Variants in PRSS23 observed in about 807,000 individuals in gnomAD.
PRSS23 encodes the protein protease, serine 23.
PRSS23 carries 25 observed loss-of-function variants against 34.7 expected under a neutral mutation model. That is an observed-to-expected ratio of 0.72 (90% CI 0.53 to 1.01). The LOEUF (loss-of-function observed/expected upper bound fraction) is 1.01, where lower values mean the gene tolerates loss of function less well. PRSS23 is among the 50% of genes least tolerant of loss of function. The probability of loss-of-function intolerance (pLI) is 0.00; values close to 1 mark genes in which losing one functional copy is unlikely to be tolerated. For synonymous variants in PRSS23, 176 were observed against 186.6 expected, an observed-to-expected ratio of 0.94 and a Z score of 0.46; for missense variants, 445 against 475.6, an observed-to-expected ratio of 0.94 and a Z score of 0.60.
intron 2 of PRSS23, among the ~76,000 whole-genome samples, chr11:86,842,456 TA>T (rs1204595269): frequency 6.6e-6 from 1 of 152,154 alleles, no homozygotes; most frequent in African/African-American, 2.4e-5. Context: ...GAGAAAGAAA[TA>T]AAGGGTATTC....
intron 2 of PRSS23, among the ~76,000 whole-genome samples, chr11:86,838,407 G>A (rs1218689920): frequency 6.6e-6 from 1 of 152,156 alleles, no homozygotes. Flanking sequence ...AGCTTGATGG[G>A]GAGAGGGGCA....
chr11:86,881,523 C>T (rs1287473357), intron 2 of PRSS23, among the ~76,000 whole-genome samples: 2 of 152,026 alleles, frequency 1.3e-5, no homozygotes, highest in African/African-American at 4.8e-5. Context: ...GAAGATTTTG[C>T]ACCTACATTC....
chr11:86,865,029 T>C (rs945844658), intron 2 of PRSS23, among the ~76,000 whole-genome samples: 1 of 152,244 alleles, frequency 6.6e-6, no homozygotes, highest in Non-Finnish European at 1.5e-5. Flanking sequence ...CAAAGTTCCT[T>C]TTTCCAGGTA....
In PRSS23 at chr11:86,801,552, C is replaced by G. The variant is rs542115386; in HGVS notation, c.-14+901C>G. 2.6e-4 allele frequency among the ~76,000 whole-genome samples: 40 copies of G among 152,346 alleles called. 1 individual carries two copies. Among genetic ancestry groups the G allele is most frequent in the African/African-American group, 9.4e-4 (39 of 41,576 alleles). On this transcript the variant is annotated intron_variant, in intron 1 of 1. Transcript: ENST00000280258. ...ACTAAATTTGAGGGCTCCCTGTGCA[C>G]TCCTTAGGAACAGGTAGGCCAGTGC...
intron 2 of PRSS23, chr11:86,833,238 G>A (rs944146839): frequency 6.4e-6 from 10 of 1,563,750 alleles, no homozygotes; most frequent in Non-Finnish European, 7.0e-6. Flanking sequence ...CCGTGTTGGA[G>A]GTGAAACCGA....
intron 1 of PRSS23, among the ~76,000 whole-genome samples, chr11:86,801,800 T>C (rs1948042193): frequency 1.3e-5 from 2 of 152,108 alleles, no homozygotes; most frequent in South Asian, 4.1e-4. Flanking sequence ...ACTTAGAAAA[T>C]GCCCCCAGAA....
At chr11:86,921,399 A>G (rs1313083542) in intron 2 of PRSS23, 2 of 152,238 alleles carry the variant, frequency 1.3e-5, no homozygotes, top group African/African-American at 4.8e-5. Flanking sequence ...CTAATTTCTG[A>G]ATGAAATATA....
chr11:86,904,798 A>T (rs1293401732), intron 2 of PRSS23, among the ~76,000 whole-genome samples: 5 of 152,088 alleles, frequency 3.3e-5, no homozygotes, highest in Non-Finnish European at 7.4e-5. Flanking sequence ...CTGTAATCCC[A>T]GAATCTTGGG....
In PRSS23 at chr11:86,945,301, TA is replaced by T. The variant is rs1021602052; in HGVS notation, c.207-5914del. Among the ~76,000 whole-genome samples, 6 of 150,322 alleles carry T rather than the reference TA, an allele frequency of 4.0e-5. 1 individual carries two copies. The highest frequency in any genetic ancestry group is 4.0e-4 in the Admixed American group (6 of 15,082). On this transcript the variant is annotated intron_variant, in intron 2 of 2. Transcript: ENST00000533902. The stretch of plus-strand genomic sequence containing the variant: ...TAGCAATGATGGGAAAACTCTTTTT[TA>T]GGCCATCAGATTAAGTCAATGGGGC...
At chr11:86,829,186 T>C (rs533677776) in intron 2 of PRSS23, among the ~76,000 whole-genome samples, 1,646 of 152,274 alleles carry the variant, frequency 0.011, 10 homozygotes, top group South Asian at 0.04. Context: ...GGAGGCTTTG[T>C]TCGTTTCTTT....
intron 2 of PRSS23, among the ~76,000 whole-genome samples, chr11:86,924,755 T>C (rs1949069341): frequency 6.6e-6 from 1 of 152,212 alleles, no homozygotes; most frequent in Non-Finnish European, 1.5e-5. Flanking sequence ...TTGTTTAAAA[T>C]GGTCCAAGGG....
rs1271134365 is a variant in PRSS23 at position 86,824,336 on chromosome 11, A to AAAATG, written c.206+747_206+748insGAAAT. ...CAAAAATAAAAATAAAAATAAAAATAAAATAAAATAAAATAAAATAAAATA... is the reference window on the plus strand; with the variant it reads ...CAAAAATAAAAATAAAAATAAAAATAAAATGAAATAAAATAAAATAAAATAAAATA... On this transcript the variant is annotated intron_variant, in intron 2 of 2. Coordinates refer to the PRSS23 transcript ENST00000533902. 3.3e-5 allele frequency among the ~76,000 whole-genome samples: 4 copies of AAAATG among 122,694 alleles called. 1 individual carries two copies. Among genetic ancestry groups the AAAATG allele is most frequent in the African/African-American group, 5.9e-5 (2 of 33,694 alleles). The allele number at this position is 122,694 out of a possible 152,430, so 80.5% of individuals were successfully genotyped here.
downstream of PRSS23, among the ~76,000 whole-genome samples, chr11:86,812,801 A>AG (rs1186044084): frequency 5.3e-5 from 8 of 149,964 alleles, no homozygotes; most frequent in African/African-American, 2.0e-4. Flanking sequence ...AAAAAAAAAA[A>AG]AAAGAAAAAG....
chr11:86,919,717 G>C (rs1228076262), intron 2 of PRSS23, among the ~76,000 whole-genome samples: 1 of 152,206 alleles, frequency 6.6e-6, no homozygotes, highest in Non-Finnish European at 1.5e-5. Context: ...GTTCTTTGCA[G>C]TGTTTCTCAA....
chr11:86,808,338 G>A lies in PRSS23; in HGVS notation c.695G>A (p.Gly232Asp). The change falls in exon 2 of 2, where the codon GGT (glycine) becomes GAT (aspartate). Residue 232 changes from glycine to aspartate, a missense_variant. By Grantham distance (94) the Gly-to-Asp change is moderately conservative. Transcript: ENST00000280258. Reference sequence around the variant, plus strand: ...GTGAAACGCACCCATGTGCCCAAGGGTTGGATCAAGGGCAATGCCAATGAC... The same window carrying A: ...GTGAAACGCACCCATGTGCCCAAGGATTGGATCAAGGGCAATGCCAATGAC... ...IRVKRTHVPK[G>D]WIKGNANDIG... is the part of the protein sequence containing the mutation. The A allele has an allele frequency of 6.2e-7, 1 of 1,614,176 alleles. No individual in the cohort carries two copies.
intron 2 of PRSS23, among the ~76,000 whole-genome samples, chr11:86,853,307 T>C (rs1948544532): frequency 7.6e-6 from 1 of 131,660 alleles, no homozygotes; most frequent in Non-Finnish European, 1.6e-5. Flanking sequence ...CAGGCTGGAG[T>C]TCAGTGGCAC....
chr11:86,835,646 G>C (rs1487601131), intron 2 of PRSS23, among the ~76,000 whole-genome samples: 2 of 152,172 alleles, frequency 1.3e-5, no homozygotes, highest in African/African-American at 4.8e-5. Flanking sequence ...CCTCTTAGTT[G>C]CTTTAGGGTT....
At chr11:86,911,607 A>G (rs1267433075) in intron 2 of PRSS23, 1 of 152,184 alleles carries the variant, frequency 6.6e-6, no homozygotes, top group African/African-American at 2.4e-5. Flanking sequence ...TTCACTTAGG[A>G]TAATAGCCAC....
At chr11:86,928,689 A>AT (rs2135012619) in intron 2 of PRSS23, among the ~76,000 whole-genome samples, 1 of 29,690 alleles carries the variant, frequency 3.4e-5, no homozygotes, top group African/African-American at 7.9e-5. Context: ...AAAAAAAAAA[A>AT]AAAAAAAAAA....
Sources: gnomAD v4.1 joint callset for allele counts (sites outside exome capture counted in the v4.1 genomes callset) on GRCh38, gnomAD v4.1.1 for gene constraint, MANE v1.5 for transcripts, NCBI Gene and HGNC (gene_info 2026-07-23, HGNC 2026-07-21) for gene names.